The following LAMA4 variants were observed in gnomAD, a reference collection of about 807,000 sequenced individuals.
The protein encoded by LAMA4 is laminin subunit alpha 4.
LAMA4 carries 127 observed loss-of-function variants against 207.1 expected under a neutral mutation model. The ratio of observed to expected loss-of-function variants is 0.61; its 90% confidence interval spans 0.53 to 0.71. LAMA4 has a LOEUF of 0.71. LAMA4 is among the 30% of genes least tolerant of loss of function. LAMA4 has a pLI of 0.00. For synonymous variants in LAMA4, 761 were observed against 816.0 expected, an observed-to-expected ratio of 0.93 and a Z score of 1.15; for missense variants, 2,093 against 2,246.5, an observed-to-expected ratio of 0.93 and a Z score of 1.38.
chr6:112,177,366 C>T (rs1554344133), intron 10 of LAMA4, among the ~76,000 whole-genome samples: 1 of 152,132 alleles, frequency 6.6e-6, no homozygotes, highest in Non-Finnish European at 1.5e-5. Context: ...GTGTTGTCAT[C>T]CAGCCCTTAA....
In LAMA4 at chr6:112,139,863, G is replaced by A. The variant is rs1312121489; in HGVS notation, c.2999C>T (p.Pro1000Leu). 1 of 1,614,074 alleles carries A rather than the reference G, an allele frequency of 6.2e-7. No homozygotes were observed. Among genetic ancestry groups the A allele is most frequent in the Non-Finnish European group, 8.5e-7 (1 of 1,179,964 alleles). The part of the protein sequence containing the change: ...NFKLPTSLNL[P>L]GFVGCLELAT... ...CAGTTCCAGGCAGCCAACAAAGCCA[G>A]GCAGGTTTAAGCTGGTAGGGAGCTA... Residue 1000 changes from proline (P) to leucine (L), a missense_variant, in exon 23 of 39, where the codon CCT (proline) becomes CTT (leucine). Pro to Leu is a moderately conservative substitution (Grantham distance 98, BLOSUM62 -3). Coordinates refer to ENST00000230538, the MANE Select transcript of LAMA4 (RefSeq NM_001105206.3).
In LAMA4 at chr6:112,177,356, G is replaced by A. The variant is rs112791030; in HGVS notation, c.1189+765C>T. 2.2e-3 allele frequency among the ~76,000 whole-genome samples: 335 copies of A among 152,204 alleles called. 1 individual carries two copies. The highest frequency in any genetic ancestry group is 0.014 in the Middle Eastern group (4 of 294). ...GCTACTGTGCCCTGGGATGCACTTG[G>A]TGTTGTCATCCAGCCCTTAATATAT... is the stretch of plus-strand genomic sequence containing the variant. On this transcript the variant is annotated intron_variant, in intron 10 of 38. Transcript: ENST00000230538.
intron 30 of LAMA4, among the ~76,000 whole-genome samples, chr6:112,129,604 C>T: frequency 6.6e-6 from 1 of 152,100 alleles, no homozygotes; most frequent in East Asian, 1.9e-4. Context: ...CTCATTTACC[C>T]TTCATGACAA....
At position 112,178,110 on chromosome 6, in the gene LAMA4, A is replaced by G. The variant is rs1782129142; in HGVS notation, c.1189+11T>C. On this transcript the variant is annotated intron_variant, in intron 10 of 38. Transcript: ENST00000230538. ...TTGATATTAAACTGAACCAGAAGAG[A>G]ATATATTTACCTTGGATTTTATCCC... 3 of 1,560,996 alleles carry G rather than the reference A, an allele frequency of 1.9e-6. No homozygotes were observed. The highest frequency in any genetic ancestry group is 2.7e-5 in the African/African-American group (2 of 73,848).
chr6:112,153,838 T>C (rs1372519534), intron 16 of LAMA4, among the ~76,000 whole-genome samples: 2 of 152,150 alleles, frequency 1.3e-5, no homozygotes, highest in African/African-American at 4.8e-5. Context: ...ATGACACTTT[T>C]TATTGCCTTT....
intron 16 of LAMA4, among the ~76,000 whole-genome samples, chr6:112,154,534 G>GCCAAACGCGCTAGCCGATTGCGCCACAGA (rs1780586689): frequency 1.5e-5 from 2 of 135,410 alleles, no homozygotes; most frequent in African/African-American, 6.0e-5. Context: ...GTGTATTTTA[G>GCCAAACGCGCTAGCCGATTGCGCCACAGA]GACATTTTTC....
At chr6:112,169,150 G>C (rs1388581111) in intron 12 of LAMA4, among the ~76,000 whole-genome samples, 1 of 152,160 alleles carries the variant, frequency 6.6e-6, no homozygotes, top group Non-Finnish European at 1.5e-5. Flanking sequence ...GAGATACCTT[G>C]AAATCGAATC....
In LAMA4 at chr6:112,228,127, C is replaced by T. The variant is rs77294885; in HGVS notation, c.196-11658G>A. 9.2e-4 allele frequency among the ~76,000 whole-genome samples: 140 copies of T among 152,328 alleles called. 1 individual carries two copies. The East Asian group carries it at 0.027, about 29-fold the overall frequency. Reference sequence around the variant, plus strand: ...AGAGAGCTAATAATGGGAGCCCTAACTATCTGTGGCCTTAGATTGGCAGAA... The same window carrying T: ...AGAGAGCTAATAATGGGAGCCCTAATTATCTGTGGCCTTAGATTGGCAGAA... On this transcript the variant is annotated intron_variant, in intron 2 of 38. Coordinates refer to ENST00000230538, the MANE Select transcript of LAMA4 (RefSeq NM_001105206.3).
chr6:112,241,128 AATATATAGGAAT>A (rs1170925614), intron 2 of LAMA4, among the ~76,000 whole-genome samples: 6,684 of 99,582 alleles, frequency 0.067, 275 homozygotes, highest in Non-Finnish European at 0.097. Context: ...TATATATATG[AATATATAGGAAT>A]ATATATATGA....
rs966631808 is a variant in LAMA4 at position 112,213,827 on chromosome 6, C to T, written c.297+2541G>A. On this transcript the variant is annotated intron_variant, in intron 3 of 38. Transcript: ENST00000230538. ...AAGGCAGATACAGAGGTCTTATATG[C>T]CTTCAAGATAAAAGCAAAATAAGAC... 2.4e-5 allele frequency: 10 copies of T among 410,838 alleles called. No individual in the cohort carries two copies. The Admixed American group carries it at 4.3e-4, about 18-fold the overall frequency. 25.4% of individuals were successfully genotyped at this position (410,838 alleles called of 1,614,324 possible).
At chr6:112,206,940 G>A in intron 4 of LAMA4, 81 bp downstream of exon 4, 1 of 1,534,368 alleles carries the variant, frequency 6.5e-7, no homozygotes, top group Non-Finnish European at 8.9e-7. Context: ...AGAACTCTGG[G>A]ATAAGGCAAA....
At position 112,162,936 on chromosome 6, in the gene LAMA4, C is replaced by T. The variant is rs143010796; in HGVS notation, c.1668+2224G>A. 1.7e-3 allele frequency among the ~76,000 whole-genome samples: 257 copies of T among 148,946 alleles called. 3 individuals carry two copies. Among genetic ancestry groups the T allele is most frequent in the African/African-American group, 6.2e-3 (251 of 40,430 alleles). On this transcript the variant is annotated intron_variant, in intron 13 of 38. Transcript: ENST00000230538. Reference sequence around the variant, plus strand: ...ATTCATTATCCAGAGCAGAGATCAACATGGCCCAGTGTCAAGTGCAGCTCA... The same window carrying T: ...ATTCATTATCCAGAGCAGAGATCAATATGGCCCAGTGTCAAGTGCAGCTCA...
intron 2 of LAMA4, among the ~76,000 whole-genome samples, chr6:112,234,942 G>A (rs111409589): frequency 2.0e-5 from 3 of 152,094 alleles, no homozygotes; most frequent in Admixed American, 6.5e-5. Flanking sequence ...AAATATCTTC[G>A]GATAATACTC....
intron 10 of LAMA4, among the ~76,000 whole-genome samples, chr6:112,176,066 TATA>T (rs1458219376): frequency 2.6e-5 from 4 of 152,248 alleles, no homozygotes; most frequent in Non-Finnish European, 1.5e-5. Context: ...GAGGGTTTGT[TATA>T]ATATGATGTG....
At chr6:112,210,260 T>A (rs1385226537) in intron 3 of LAMA4, among the ~76,000 whole-genome samples, 2 of 151,578 alleles carry the variant, frequency 1.3e-5, no homozygotes, top group African/African-American at 2.4e-5. Context: ...TGGCAAAGCA[T>A]AGGAATAAAG....
intron 2 of LAMA4, 152 bp from the exon 3 acceptor site, chr6:112,216,621 A>T (rs1784639972): frequency 1.5e-6 from 1 of 673,992 alleles, no homozygotes; most frequent in African/African-American, 1.8e-5. Context: ...TACTAAAATA[A>T]ACTATTTATA....
chr6:112,175,247 G>T, intron 11 of LAMA4, 66 bp downstream of exon 11: 1 of 1,486,990 alleles, frequency 6.7e-7, no homozygotes, highest in Non-Finnish European at 9.4e-7. Context: ...TAGGTTTAAT[G>T]TCTGCTATTG....
intron 32 of LAMA4, 97 bp from the exon 33 acceptor site, chr6:112,120,569 G>C (rs1002802723): frequency 1.1e-6 from 1 of 930,810 alleles, no homozygotes. Flanking sequence ...GAATAAACAA[G>C]TAGCCATTCT....
At chr6:112,133,530 A>C (rs375067266) in intron 26 of LAMA4, 43 bp from the exon 27 acceptor site, 1 of 1,611,150 alleles carries the variant, frequency 6.2e-7, no homozygotes, top group Non-Finnish European at 8.5e-7. Flanking sequence ...CATGATGATG[A>C]TGTTACCCTG....
Sources: gnomAD v4.1 joint callset for allele counts (sites outside exome capture counted in the v4.1 genomes callset) on GRCh38, gnomAD v4.1.1 for gene constraint, MANE v1.5 for transcripts, NCBI Gene and HGNC (gene_info 2026-07-23, HGNC 2026-07-21) for gene names.